The following GFUS variants were observed in gnomAD, a reference collection of about 807,000 sequenced individuals.
GFUS encodes the protein 3-5 epimerase/4-reductase.
GFUS carries 42 observed loss-of-function variants against 41.5 expected under a neutral mutation model. The observed-to-expected ratio is 1.01, with a 90% CI of 0.79 to 1.31. The LOEUF is 1.31. Among genes scored for constraint, GFUS ranks in the 50% most tolerant of loss-of-function variants. The pLI is 0.00. For synonymous variants in GFUS, 188 were observed against 173.4 expected (o/e 1.08, Z -0.66); for missense variants, 437 against 428.7 (o/e 1.02, Z -0.17).
intron 7 of GFUS, 64 bp from the exon 8 acceptor site, chr8:143,613,881 G>C (rs187094949): frequency 6.6e-7 from 1 of 1,508,358 alleles, no homozygotes; most frequent in East Asian, 2.5e-5. Flanking sequence ...AAACGCCCCT[G>C]CTGGGGAGTC....
In GFUS at chr8:143,616,580, C is replaced by T. The variant is rs373123555; in HGVS notation, c.133G>A (p.Asp45Asn). 4.2e-5 allele frequency: 67 copies of T among 1,613,712 alleles called. No homozygotes were observed. Among genetic ancestry groups the T allele is most frequent in the Non-Finnish European group, 5.4e-5 (64 of 1,179,986 alleles). ...GEDWVFVSSK[D>N]ADLTDTAQTR... ...GGGCTCACTCACGTGAGATCGGCGT[C>T]TTTAGAGGAGACAAACACCCAGTCC... Residue 45 changes from aspartate to asparagine, a missense_variant, in exon 2 of 11, where the codon GAC becomes AAC. Coordinates refer to ENST00000425753, the MANE Select transcript of GFUS (RefSeq NM_003313.4).
At chr8:143,615,791 CA>C (rs1445988571) in intron 3 of GFUS, 4 of 327,522 alleles carry the variant, frequency 1.2e-5, no homozygotes, top group African/African-American at 6.4e-5. Context: ...CCTGGGGACT[CA>C]GGGGGCAGGA....
intron 1 of GFUS, chr8:143,617,218 C>A: frequency 6.4e-6 from 1 of 155,524 alleles, no homozygotes; most frequent in Non-Finnish European, 1.4e-5. Context: ...CGCAGCCACC[C>A]TCAAGGATCC....
chr8:143,616,648 G>C lies in GFUS; in HGVS notation c.65C>G (p.Ala22Gly). ...TCCATCTGCTACCACCTTCTGGATG[G>C]CTTTGCCTACCAGCCCAGAGCCCCC... The part of the protein sequence containing the change: ...VTGGSGLVGK[A>G]IQKVVADGAG... Residue 22 changes from alanine to glycine, a missense_variant, in exon 2 of 11, where the codon GCC (alanine) becomes GGC (glycine). By Grantham distance (60) the Ala-to-Gly change is moderately conservative (BLOSUM62 0). Transcript: ENST00000425753. The C allele has an allele frequency of 6.2e-7, 1 of 1,613,838 alleles. No homozygotes were observed. The highest frequency in any genetic ancestry group is 8.5e-7 in the Non-Finnish European group (1 of 1,179,994).
chr8:143,616,845 G>C, intron 1 of GFUS, 122 bp from the exon 2 acceptor site: 5 of 1,214,718 alleles, frequency 4.1e-6, no homozygotes, highest in Non-Finnish European at 5.8e-6. Context: ...CTGGCAACCA[G>C]AAAGACCCAG....
intron 2 of GFUS, 68 bp from the exon 3 acceptor site, chr8:143,616,288 A>C (rs1829723992): frequency 1.4e-6 from 2 of 1,471,636 alleles, no homozygotes; most frequent in African/African-American, 2.8e-5. Flanking sequence ...TGCCAAGTGC[A>C]GGAACTGGGT....
rs1286663130 is a variant in GFUS, at chr8:143,614,907, G to GT, written c.269dup (p.Asn90LysfsTer14). The GT allele has an allele frequency of 8.1e-6, 13 of 1,607,260 alleles. No individual in the cohort carries two copies. Among genetic ancestry groups the GT allele is most frequent in the Non-Finnish European group, 9.4e-6 (11 of 1,175,632 alleles). On this transcript the variant is annotated frameshift_variant, in exon 4 of 11. Transcript: ENST00000425753. LOFTEE classifies it high-confidence loss of function. The stretch of plus-strand genomic sequence containing the variant: ...GCAGGACGTTGTCGTTCATGTGCAC[G>GT]TTTTTCCTCTGCAGGGGTGAGGCGG...
In GFUS at chr8:143,616,226, G is replaced by A. The variant is rs751749372; in HGVS notation, c.147-6C>T. 6.2e-7 allele frequency: 1 copy of A among 1,613,730 alleles called. No individual in the cohort carries two copies. Among genetic ancestry groups the A allele is most frequent in the South Asian group, 1.1e-5 (1 of 91,082 alleles). ...CGCGGGTCTGTGCTGTATCCCTGTAGGAAGCCAGGCTGTCAGGAGGCTCTG... is the reference window on the plus strand; with the variant it reads ...CGCGGGTCTGTGCTGTATCCCTGTAAGAAGCCAGGCTGTCAGGAGGCTCTG... On this transcript the variant is annotated splice_region_variant and splice_polypyrimidine_tract_variant and intron_variant, in intron 2 of 10. Transcript: ENST00000425753.
At chr8:143,617,709 G>C (rs931832285), upstream of GFUS, 2 of 152,084 alleles carry the variant, frequency 1.3e-5, no homozygotes, top group African/African-American at 4.8e-5. Flanking sequence ...GTCCCCGGAC[G>C]AAGTCCCGGG....
chr8:143,616,407 A>C lies in GFUS; in HGVS notation c.146+160T>G, dbSNP rs1425704208. 2.4e-6 allele frequency: 3 copies of C among 1,267,212 alleles called. No individual in the cohort carries two copies. The African/African-American group carries it at 4.4e-5, about 19-fold the overall frequency. The allele number at this position is 1,267,212 out of a possible 1,614,324, so 78.5% of individuals were successfully genotyped here. A position where few individuals can be genotyped will look rare whatever the true frequency, so the allele number is the denominator to read the frequency against. ...TGGGAGGGTGTTTGTTTTTCCAGGA[A>C]CACAGCCAAGCACACCCAGGCCAGG... On this transcript the variant is annotated intron_variant, in intron 2 of 10. Coordinates refer to ENST00000425753, the MANE Select transcript of GFUS (RefSeq NM_003313.4).
chr8:143,616,823 G>C, intron 1 of GFUS, 100 bp from the exon 2 acceptor site: 1 of 1,447,106 alleles, frequency 6.9e-7, no homozygotes, highest in Non-Finnish European at 9.5e-7. Flanking sequence ...CCTCAGAGTG[G>C]GGCATAGTCC....
chr8:143,617,783 G>C (rs970912211), upstream of GFUS: 2 of 152,128 alleles, frequency 1.3e-5, no homozygotes, highest in Admixed American at 6.5e-5. Flanking sequence ...GGAAGGACAC[G>C]AGACGAGGGC....
Position 143,616,147 on chromosome 8 carries a change from C to A in GFUS, c.220G>T (p.Gly74Trp). ...TATTTGATATTCCGGAACAGGCCCC[C>A]CACCATTGCAGCAAGATGGATGACG... ...THVIHLAAMVGGLFRNIKYNL... is the reference protein window; with the variant it reads ...THVIHLAAMVWGLFRNIKYNL... Residue 74 changes from glycine (G) to tryptophan (W), a missense_variant, in exon 3 of 11, where the codon GGG becomes TGG. Coordinates refer to ENST00000425753, the MANE Select transcript of GFUS (RefSeq NM_003313.4). 1 of 1,612,414 alleles carries A rather than the reference C, an allele frequency of 6.2e-7. No individual in the cohort carries two copies. The highest frequency in any genetic ancestry group is 8.5e-7 in the Non-Finnish European group (1 of 1,178,954).
chr8:143,613,733 G>C lies in GFUS; in HGVS notation c.730+18C>G. On this transcript the variant is annotated intron_variant, in intron 8 of 10. Transcript: ENST00000425753. Reference sequence around the variant, plus strand: ...TGTCCTACCATGGAGGAAGGGGGCTGAGGGCTGAGGTACCCACCGGAGAGG... The same window carrying C: ...TGTCCTACCATGGAGGAAGGGGGCTCAGGGCTGAGGTACCCACCGGAGAGG... 1 of 1,550,984 alleles carries C rather than the reference G, an allele frequency of 6.4e-7. No individual in the cohort carries two copies. The highest frequency in any genetic ancestry group is 8.7e-7 in the Non-Finnish European group (1 of 1,146,616).
chr8:143,613,242 C>T lies in GFUS; in HGVS notation c.864G>A (p.Lys288=), dbSNP rs151260034. ...GQFKKTASNS[K]LRTYLPDFRF... ...GGAAGTCGGGCAGGTAGGTCCTCAG[C>T]TTGCTGTTACTGGCTGTCTTCTTAA... The change falls in exon 10 of 11, where the codon AAG becomes AAA. Residue 288 remains lysine (K), a synonymous_variant. Coordinates refer to ENST00000425753, the MANE Select transcript of GFUS (RefSeq NM_003313.4). 2.4e-4 allele frequency: 380 copies of T among 1,614,094 alleles called. 1 individual carries two copies. The African/African-American group carries it at 4.7e-3, about 20-fold the overall frequency.
intron 3 of GFUS, 25 bp downstream of exon 3, chr8:143,616,081 G>T: frequency 6.5e-7 from 1 of 1,534,146 alleles, no homozygotes; most frequent in Non-Finnish European, 8.8e-7. Context: ...GGTTTCCAGT[G>T]CTTGCTGGGG....
At chr8:143,615,790 T>G (rs1358652212) in intron 3 of GFUS, 1 of 324,120 alleles carries the variant, frequency 3.1e-6, no homozygotes, top group Admixed American at 4.5e-5. Context: ...CCCTGGGGAC[T>G]CAGGGGGCAG....
intron 7 of GFUS, 122 bp from the exon 8 acceptor site, chr8:143,613,939 TC>T: frequency 8.2e-7 from 1 of 1,222,256 alleles, no homozygotes; most frequent in Non-Finnish European, 1.2e-6. Context: ...GGAACAGGGG[TC>T]CCTCCTTTCT....
In GFUS at chr8:143,616,100, A is replaced by G. The variant is rs1374545619; in HGVS notation, c.261+6T>C. On this transcript the variant is annotated splice_donor_region_variant and intron_variant, in intron 3 of 10. Coordinates refer to ENST00000425753, the MANE Select transcript of GFUS (RefSeq NM_003313.4). The stretch of plus-strand genomic sequence containing the variant: ...TCCAGTGCTTGCTGGGGCCACCCTC[A>G]CTTACCCAGAAGTCCAAATTGTATT... The G allele has an allele frequency of 1.3e-6, 2 of 1,569,422 alleles. No homozygotes were observed. Among genetic ancestry groups the G allele is most frequent in the Non-Finnish European group, 8.7e-7 (1 of 1,152,132 alleles).
Sources: gnomAD v4.1 joint callset for allele counts on GRCh38, gnomAD v4.1.1 for gene constraint, MANE v1.5 for transcripts, NCBI Gene and HGNC (gene_info 2026-07-23, HGNC 2026-07-21) for gene names.